Variants in BTD observed in about 807,000 individuals in gnomAD.
The protein encoded by BTD is biocytinase.
In BTD, 13 loss-of-function variants were observed where a neutral mutation model predicts 17.7. The observed-to-expected ratio is 0.74, with a 90% confidence interval of 0.48 to 1.17. BTD has a LOEUF of 1.17. Among genes scored for constraint, BTD ranks in the 50% most tolerant of loss-of-function variants. The probability of loss-of-function intolerance (pLI) is 0.00; values close to 1 mark genes in which losing one functional copy is unlikely to be tolerated. For synonymous variants in BTD, 240 were observed against 245.2 expected (o/e 0.98, Z 0.20); for missense variants, 674 against 650.4 (o/e 1.04, Z -0.39).
intron 3 of BTD, among the ~76,000 whole-genome samples, chr3:15,700,006 C>T (rs1380149743): frequency 1.3e-5 from 2 of 152,162 alleles, no homozygotes; most frequent in Non-Finnish European, 2.9e-5. Context: ...CAATGATAGA[C>T]TGGATTAAGA....
chr3:15,644,286 C>T (rs1170265062), intron 3 of BTD, 30 bp from the exon 4 acceptor site: 2 of 1,601,592 alleles, frequency 1.2e-6, no homozygotes, highest in Admixed American at 1.7e-5. Context: ...AGGCAAAAAC[C>T]TCATTTATTT....
At chr3:15,631,297 C>T (rs1318256765) in intron 1 of BTD, 3 of 722,148 alleles carry the variant, frequency 4.2e-6, no homozygotes, top group Non-Finnish European at 6.5e-6. Flanking sequence ...TTCTCCCTGA[C>T]AAGTAAAGAA....
At chr3:15,678,959 T>C (rs1255030098) in intron 3 of BTD, among the ~76,000 whole-genome samples, 1 of 152,204 alleles carries the variant, frequency 6.6e-6, no homozygotes, top group Non-Finnish European at 1.5e-5. Context: ...ATTTATTTCT[T>C]ATTGAAAATA....
intron 2 of BTD, among the ~76,000 whole-genome samples, chr3:15,641,320 T>G (rs1476099399): frequency 1.3e-5 from 2 of 152,156 alleles, no homozygotes; most frequent in African/African-American, 4.8e-5. Flanking sequence ...GCCCAGTGGA[T>G]CCTAACCTTG....
In BTD at chr3:15,652,389, C is replaced by G. The variant is rs1322956602; in HGVS notation, c.*6901C>G. On this transcript the variant is annotated 3_prime_UTR_variant, in exon 4 of 4. Transcript: ENST00000643237. ...CACTTGCTATCTTGGGTCCCTCCCT[C>G]TGGGGAAAGCCAGTTGCCATCTCCC... Among the ~76,000 whole-genome samples the G allele has an allele frequency of 6.6e-6, 1 of 151,980 alleles. No homozygotes were observed. The highest frequency in any genetic ancestry group is 6.5e-5 in the Admixed American group (1 of 15,270).
intron 3 of BTD, among the ~76,000 whole-genome samples, chr3:15,681,295 T>G (rs1432755985): frequency 1.3e-5 from 2 of 152,218 alleles, no homozygotes; most frequent in Non-Finnish European, 1.5e-5. Flanking sequence ...CTAACTATAT[T>G]TCTGATGGAC....
intron 3 of BTD, among the ~76,000 whole-genome samples, chr3:15,677,772 T>C (rs17041442): frequency 0.1 from 15,943 of 152,238 alleles, 1,067 homozygotes; most frequent in East Asian, 0.2. Flanking sequence ...ACTCTAACAA[T>C]GGCAATTAAC....
At chr3:15,721,140 A>G (rs770131359) in intron 4 of BTD, 80 of 1,588,886 alleles carry the variant, frequency 5.0e-5, no homozygotes, top group Non-Finnish European at 6.6e-5. Context: ...ATTAGAAGGG[A>G]AAAAAATGCG....
At chr3:15,717,367 A>C (rs2073189573), downstream of BTD, among the ~76,000 whole-genome samples, 1 of 152,108 alleles carries the variant, frequency 6.6e-6, no homozygotes, top group Admixed American at 6.5e-5. Context: ...TAAGTATACA[A>C]AGGAAAAAGA....
At position 15,644,501 on chromosome 3, in the gene BTD, C is replaced by T. The variant is rs145388314; in HGVS notation, c.585C>T (p.Leu195=). The T allele has an allele frequency of 8.7e-3, 14,027 of 1,614,172 alleles. 74 individuals are homozygous for T. The highest frequency in any genetic ancestry group is 9.8e-3 in the Non-Finnish European group (11,526 of 1,180,024). The change falls in exon 4 of 4, where the codon CTC becomes CTT. Residue 195 remains leucine, a synonymous_variant. Transcript: ENST00000643237. ...TTGACCGCTACCGTAAACACAACCTCTACTTTGAGGCAGCATTCGATGTTC... is the reference window on the plus strand; with the variant it reads ...TTGACCGCTACCGTAAACACAACCTTTACTTTGAGGCAGCATTCGATGTTC... The part of the protein sequence containing the change: ...TLVDRYRKHN[L]YFEAAFDVPL...
chr3:15,660,660 A>G (rs1429872817), intron 3 of BTD, among the ~76,000 whole-genome samples: 1 of 152,262 alleles, frequency 6.6e-6, no homozygotes, highest in Admixed American at 6.5e-5. Flanking sequence ...TTTGGAAAAT[A>G]TAAAACCAAT....
At chr3:15,693,892 TA>T (rs1347161480) in intron 3 of BTD, among the ~76,000 whole-genome samples, 1 of 152,062 alleles carries the variant, frequency 6.6e-6, no homozygotes, top group African/African-American at 2.4e-5. Context: ...AATATTAAGA[TA>T]AAAAATAATA....
At chr3:15,610,229 A>G (rs1032805114) in intron 1 of BTD, among the ~76,000 whole-genome samples, 1 of 152,212 alleles carries the variant, frequency 6.6e-6, no homozygotes, top group African/African-American at 2.4e-5. Context: ...CTGGTTGTCC[A>G]CTGGGATAGC....
intron 1 of BTD, chr3:15,606,760 A>G (rs2055564): frequency 1 from 152,111 of 152,358 alleles, 75,932 homozygotes; most frequent in Middle Eastern, 1. Context: ...GCAGAAAGAA[A>G]TGATTTGAGT....
intron 3 of BTD, chr3:15,678,362 A>G: frequency 6.3e-7 from 1 of 1,584,710 alleles, no homozygotes; most frequent in Non-Finnish European, 8.5e-7. Context: ...GTTCTGTGAT[A>G]AAGAAAAATT....
At chr3:15,702,263 T>C (rs1575247235) in intron 3 of BTD, among the ~76,000 whole-genome samples, 1 of 152,234 alleles carries the variant, frequency 6.6e-6, no homozygotes, top group Non-Finnish European at 1.5e-5. Context: ...CAGTGGTTAA[T>C]CACTTACAGT....
chr3:15,639,239 T>A (rs543484511), intron 2 of BTD, among the ~76,000 whole-genome samples: 1 of 151,836 alleles, frequency 6.6e-6, no homozygotes, highest in East Asian at 1.9e-4. Context: ...CATTCCTGGT[T>A]GATAATAATC....
rs1184521463 is a variant in BTD, at chr3:15,649,846, A to G, written c.*4358A>G. On this transcript the variant is annotated 3_prime_UTR_variant, in exon 4 of 4. Coordinates refer to ENST00000643237, the MANE Select transcript of BTD (RefSeq NM_001370658.1). ...AGTTCCCTCTGCCGGAACATGAGCC[A>G]TGCCTAGAGTAGCCACCTAGTAGTG... 6.6e-6 allele frequency among the ~76,000 whole-genome samples: 1 copy of G among 152,218 alleles called. No homozygotes were observed. The highest frequency in any genetic ancestry group is 1.5e-5 in the Non-Finnish European group (1 of 68,040).
chr3:15,696,481 T>C (rs1418520182), intron 3 of BTD, among the ~76,000 whole-genome samples: 9 of 152,132 alleles, frequency 5.9e-5, no homozygotes, highest in Admixed American at 2.6e-4. Context: ...CAAAAGTCTG[T>C]CAGACAGCTT....
Sources: allele counts gnomAD v4.1 joint callset (sites outside exome capture counted in the v4.1 genomes callset), GRCh38; gene constraint gnomAD v4.1.1; transcripts MANE v1.5; gene names NCBI Gene and HGNC (gene_info 2026-07-23, HGNC 2026-07-21).